SLC7A13: variants seen among roughly 807,000 people sequenced by gnomAD.
SLC7A13 encodes the protein X-amino acid transporter 2.
In SLC7A13, 31 loss-of-function variants were observed where a neutral mutation model predicts 32.0. The ratio of observed to expected loss-of-function variants is 0.97; its 90% CI spans 0.73 to 1.31. SLC7A13 has a LOEUF of 1.31. Among genes scored for constraint, SLC7A13 ranks in the 50% most tolerant of loss-of-function variants. SLC7A13 has a pLI of 0.00. For missense variants in SLC7A13, 633 were observed against 546.9 expected (o/e 1.16, Z -1.57); for synonymous variants, 232 against 206.9 (o/e 1.12, Z -1.04).
rs773764264 is a variant in SLC7A13, at chr8:86,229,832, G to A, written c.446C>T (p.Thr149Ile). The change falls in exon 1 of 4, where the codon ACT (threonine) becomes ATT (isoleucine). Residue 149 changes from threonine (T) to isoleucine (I), a missense_variant. Transcript: ENST00000297524. ...LAMLWIVGILTSRGVKEVTWL... is the reference protein window; with the variant it reads ...LAMLWIVGILISRGVKEVTWL... ...AGTCACTTCTTTCACACCACGAGAA[G>A]TCAGAATTCCTACAATCCACAACAT... The A allele has an allele frequency of 6.2e-7, 1 of 1,614,054 alleles. No individual in the cohort carries two copies. Among genetic ancestry groups the A allele is most frequent in the African/African-American group, 1.3e-5 (1 of 74,928 alleles).
rs180748701 is a variant in SLC7A13 at position 86,230,125 on chromosome 8, G to A, written c.153C>T (p.Cys51=). 38 of 1,614,114 alleles carry A rather than the reference G, an allele frequency of 2.4e-5. No homozygotes were observed. The East Asian group carries it at 4.2e-4, about 18-fold the overall frequency. The change falls in exon 1 of 4, where the codon TGC becomes TGT. Residue 51 remains cysteine (C), a synonymous_variant. Transcript: ENST00000297524. ...YSCMNVGVSL[C]VWAGCAILAM... Reference sequence around the variant, plus strand: ...CCAGTATGGCACAGCCAGCCCAAACGCACAGGGAGACTCCCACGTTCATGC... The same window carrying A: ...CCAGTATGGCACAGCCAGCCCAAACACACAGGGAGACTCCCACGTTCATGC...
At position 86,230,349 on chromosome 8, in the gene SLC7A13, G is replaced by T. The variant is rs1820464915; in HGVS notation, c.-72C>A. Reference sequence around the variant, plus strand: ...TTTTCCTGCCTATGTAGCTGCAAAGGATGTTGATGGATTCCTGAAATAAAA... The same window carrying T: ...TTTTCCTGCCTATGTAGCTGCAAAGTATGTTGATGGATTCCTGAAATAAAA... On this transcript the variant is annotated 5_prime_UTR_variant, in exon 1 of 4. Transcript: ENST00000297524. 30 of 1,270,758 alleles carry T rather than the reference G, an allele frequency of 2.4e-5. No homozygotes were observed. The South Asian group carries it at 4.7e-4, about 20-fold the overall frequency. 78.7% of individuals were successfully genotyped at this position (1,270,758 alleles called of 1,614,324 possible).
At chr8:86,228,932 C>A (rs1429782981) in intron 1 of SLC7A13, among the ~76,000 whole-genome samples, 1 of 152,066 alleles carries the variant, frequency 6.6e-6, no homozygotes. Context: ...CCTCCCATTT[C>A]AGCCTCTCAA....
In SLC7A13 at chr8:86,230,125, G is replaced by C. The variant is rs180748701; in HGVS notation, c.153C>G (p.Cys51Trp). 1 of 1,614,114 alleles carries C rather than the reference G, an allele frequency of 6.2e-7. No homozygotes were observed. Among genetic ancestry groups the C allele is most frequent in the East Asian group, 2.2e-5 (1 of 44,874 alleles). ...CCAGTATGGCACAGCCAGCCCAAACGCACAGGGAGACTCCCACGTTCATGC... is the reference window on the plus strand; with the variant it reads ...CCAGTATGGCACAGCCAGCCCAAACCCACAGGGAGACTCCCACGTTCATGC... ...YSCMNVGVSLCVWAGCAILAM... is the reference protein window; with the variant it reads ...YSCMNVGVSLWVWAGCAILAM... Residue 51 changes from cysteine to tryptophan, a missense_variant, in exon 1 of 4, where the codon TGC becomes TGG. Transcript: ENST00000297524.
intron 2 of SLC7A13, among the ~76,000 whole-genome samples, chr8:86,222,204 G>T (rs541904349): frequency 1.2e-3 from 179 of 152,214 alleles, no homozygotes; most frequent in Non-Finnish European, 2.2e-3. Flanking sequence ...ACCAATAATA[G>T]CTGCTCAAAA....
rs1413960888 is a variant in SLC7A13 at position 86,223,231 on chromosome 8, G to T, written c.686-128C>A. 13 of 873,296 alleles carry T rather than the reference G, an allele frequency of 1.5e-5. No individual in the cohort carries two copies. In the South Asian group the frequency reaches 2.2e-4, roughly 14 times the overall value. The allele number at this position is 873,296 out of a possible 1,614,324, so 54.1% of individuals were successfully genotyped here. ...AAGCATGATTTTATTATGTGGATAG[G>T]TTGTGTGGTGGTCAAATCAGAGTTT... On this transcript the variant is annotated intron_variant, in intron 1 of 3. Coordinates refer to ENST00000297524, the MANE Select transcript of SLC7A13 (RefSeq NM_138817.3).
chr8:86,214,730 G>C, intron 3 of SLC7A13, 84 bp from the exon 4 acceptor site: 1 of 1,012,602 alleles, frequency 9.9e-7, no homozygotes, highest in Non-Finnish European at 1.4e-6. Context: ...AAAATGCAAA[G>C]ATACAAGCTA....
At position 86,229,774 on chromosome 8, in the gene SLC7A13, C is replaced by T. The variant is rs759113712; in HGVS notation, c.504G>A (p.Val168=). 119 of 1,614,192 alleles carry T rather than the reference C, an allele frequency of 7.4e-5. 1 individual carries two copies. The South Asian group carries it at 1.0e-3, about 14-fold the overall frequency. Residue 168 remains valine, a synonymous_variant, in exon 1 of 4, where the codon GTG becomes GTA. Coordinates refer to ENST00000297524, the MANE Select transcript of SLC7A13 (RefSeq NM_138817.3). ...WLQIASSVLK[V]SILSFISLTG... ...TTAGGGAAATGAAGCTAAGTATGGA[C>T]ACTTTCAGCACTGAGCTAGCTATCT...
rs1820218387 is a variant in SLC7A13 at position 86,217,835 on chromosome 8, C to T, written c.818-4G>A. 2 of 1,489,856 alleles carry T rather than the reference C, an allele frequency of 1.3e-6. No homozygotes were observed. Among genetic ancestry groups the T allele is most frequent in the Non-Finnish European group, 1.8e-6 (2 of 1,121,172 alleles). The allele number at this position is 1,489,856 out of a possible 1,614,324, so 92.3% of individuals were successfully genotyped here. A position where few individuals can be genotyped will look rare whatever the true frequency, so the allele number is the denominator to read the frequency against. ...GCCCATGTGATAGCTACAGCATCTG[C>T]AGAAAAACAAAAATACACAAAAGAA... On this transcript the variant is annotated splice_region_variant and splice_polypyrimidine_tract_variant and intron_variant, in intron 2 of 3. Coordinates refer to ENST00000297524, the MANE Select transcript of SLC7A13 (RefSeq NM_138817.3).
intron 2 of SLC7A13, among the ~76,000 whole-genome samples, chr8:86,222,196 C>T (rs1412085323): frequency 6.6e-6 from 1 of 152,074 alleles, no homozygotes; most frequent in Admixed American, 6.6e-5. Context: ...TTCACCAAAC[C>T]AATAATAGCT....
intron 3 of SLC7A13, among the ~76,000 whole-genome samples, chr8:86,215,991 G>A (rs1030297844): frequency 6.6e-6 from 1 of 152,094 alleles, no homozygotes; most frequent in South Asian, 2.1e-4. Context: ...TATGAGGTAG[G>A]TATTATTTTT....
At chr8:86,217,875 G>C (rs1820219580) in intron 2 of SLC7A13, 44 bp from the exon 3 acceptor site, 1 of 1,472,860 alleles carries the variant, frequency 6.8e-7, no homozygotes. Context: ...TGTTAAAAGA[G>C]AAATACTAAT....
intron 1 of SLC7A13, among the ~76,000 whole-genome samples, chr8:86,223,876 A>G (rs1004189208): frequency 6.6e-6 from 1 of 152,078 alleles, no homozygotes; most frequent in Non-Finnish European, 1.5e-5. Context: ...AAAAATATGA[A>G]ATATGCTTCA....
rs572819592 is a variant in SLC7A13, at chr8:86,217,758, G to A, written c.891C>T (p.Thr297=). The A allele has an allele frequency of 1.2e-6, 2 of 1,612,806 alleles. No individual in the cohort carries two copies. The highest frequency in any genetic ancestry group is 1.7e-6 in the Non-Finnish European group (2 of 1,179,418). ...AAATCAGAAGGTTGCTAAATAATGA[G>A]GTAGAAATAGCAAAAGGCATAATCC... ...LAWIMPFAIS[T]SLFSNLLISI... Residue 297 remains threonine (T), a synonymous_variant, in exon 3 of 4, where the codon ACC becomes ACT. Coordinates refer to ENST00000297524, the MANE Select transcript of SLC7A13 (RefSeq NM_138817.3).
At chr8:86,227,253 T>C (rs1386466246) in intron 1 of SLC7A13, among the ~76,000 whole-genome samples, 1 of 152,122 alleles carries the variant, frequency 6.6e-6, no homozygotes, top group Non-Finnish European at 1.5e-5. Context: ...GACCTGAGAT[T>C]AGAAAAAGTT....
intron 3 of SLC7A13, among the ~76,000 whole-genome samples, chr8:86,215,966 T>C (rs906755086): frequency 1.3e-5 from 2 of 152,172 alleles, no homozygotes; most frequent in African/African-American, 4.8e-5. Context: ...GCTTACTTAA[T>C]ACCTCCAACG....
At chr8:86,219,760 C>T (rs760299938) in intron 2 of SLC7A13, among the ~76,000 whole-genome samples, 3 of 152,094 alleles carry the variant, frequency 2.0e-5, no homozygotes, top group African/African-American at 4.8e-5. Context: ...ACTGTCATTG[C>T]GTTTATCTAC....
In SLC7A13 at chr8:86,217,818, G is replaced by A. The variant is rs1309034894; in HGVS notation, c.831C>T (p.Ile277=). ...AGGGAAAAGCTCGATCAGCCCATGTGATAGCTACAGCATCTGCAGAAAAAC... is the reference window on the plus strand; with the variant it reads ...AGGGAAAAGCTCGATCAGCCCATGTAATAGCTACAGCATCTGCAGAAAAAC... ...REILSSDAVA[I]TWADRAFPSL... The change falls in exon 3 of 4, where the codon ATC becomes ATT. Residue 277 remains isoleucine (I), a synonymous_variant. Coordinates refer to ENST00000297524, the MANE Select transcript of SLC7A13 (RefSeq NM_138817.3). 3.2e-6 allele frequency: 5 copies of A among 1,565,480 alleles called. No individual in the cohort carries two copies. Among genetic ancestry groups the A allele is most frequent in the Non-Finnish European group, 4.3e-6 (5 of 1,159,516 alleles).
chr8:86,221,713 G>T (rs1333299353), intron 2 of SLC7A13, among the ~76,000 whole-genome samples: 1 of 150,844 alleles, frequency 6.6e-6, no homozygotes. Flanking sequence ...AAGTGATGAT[G>T]GTCAAAACAC....
Sources: gnomAD v4.1 joint callset for allele counts (sites outside exome capture counted in the v4.1 genomes callset) on GRCh38, gnomAD v4.1.1 for gene constraint, MANE v1.5 for transcripts, NCBI Gene and HGNC (gene_info 2026-07-23, HGNC 2026-07-21) for gene names.